FRYL: variants seen among roughly 807,000 people sequenced by gnomAD.
FRYL encodes FRY like transcription coactivator, also known as protein furry homolog-like.
Under a neutral mutation model 351.2 loss-of-function variants are expected in FRYL, and 150 were observed. The ratio of observed to expected loss-of-function variants is 0.43; its 90% CI spans 0.37 to 0.49. The LOEUF (loss-of-function observed/expected upper bound fraction) is 0.49, where lower values mean the gene tolerates loss of function less well. Ranked by LOEUF, FRYL falls within the 20% of genes least tolerant of loss-of-function variation. The pLI, the probability that FRYL is intolerant of heterozygous loss-of-function variation, is 0.00. For synonymous variants in FRYL, 1,153 were observed against 1,257.1 expected (o/e 0.92, Z 1.75); for missense variants, 3,036 against 3,619.3 (o/e 0.84, Z 4.13).
At chr4:48,616,808 C>T (rs1203755155) in intron 7 of FRYL, among the ~76,000 whole-genome samples, 7 of 152,144 alleles carry the variant, frequency 4.6e-5, no homozygotes, top group Non-Finnish European at 1.5e-5. Context: ...TCACAATAAA[C>T]CTGAATCACA....
chr4:48,521,467 C>G lies in FRYL; in HGVS notation c.7522-252G>C, dbSNP rs73814780. ...CAAAAACTATCAAAGTGGAAGAGCT[C>G]TATGTAACTATGTTAACCTTGAGCT... On this transcript the variant is annotated intron_variant, in intron 54 of 63. Coordinates refer to ENST00000358350, the MANE Select transcript of FRYL (RefSeq NM_015030.2). Among the ~76,000 whole-genome samples the G allele has an allele frequency of 2.8e-3, 430 of 152,232 alleles. 1 individual carries two copies. The highest frequency in any genetic ancestry group is 9.9e-3 in the African/African-American group (411 of 41,528).
chr4:48,706,294 G>T (rs1767337458), intron 2 of FRYL, among the ~76,000 whole-genome samples: 1 of 152,120 alleles, frequency 6.6e-6, no homozygotes, highest in African/African-American at 2.4e-5. Context: ...AAATACAATG[G>T]AATATTATTC....
chr4:48,752,937 G>A (rs1773397557), intron 1 of FRYL, among the ~76,000 whole-genome samples: 1 of 152,252 alleles, frequency 6.6e-6, no homozygotes, highest in African/African-American at 2.4e-5. Context: ...ATCAGGTGGC[G>A]CCTATCGTTG....
intron 10 of FRYL, 76 bp from the exon 11 acceptor site, chr4:48,605,909 G>C: frequency 1.1e-6 from 1 of 908,358 alleles, no homozygotes. Context: ...ACATCATTTT[G>C]TGAACACTCT....
At chr4:48,638,626 T>A (rs1754723530) in intron 3 of FRYL, 4 of 152,170 alleles carry the variant, frequency 2.6e-5, no homozygotes, top group Admixed American at 2.6e-4. Context: ...CAAAGGATTA[T>A]AAATCATTCT....
rs28558226 is a variant in FRYL at position 48,575,104 on chromosome 4, C to G, written c.2846+13G>C. 1 of 1,612,070 alleles carries G rather than the reference C, an allele frequency of 6.2e-7. No individual in the cohort carries two copies. Among genetic ancestry groups the G allele is most frequent in the Non-Finnish European group, 8.5e-7 (1 of 1,178,704 alleles). The stretch of plus-strand genomic sequence containing the variant: ...TCTTTTAGGACATAGAAAAAATGTA[C>G]GAACATAGTTACCTAAAAGCTCCTG... On this transcript the variant is annotated intron_variant, in intron 25 of 63. Transcript: ENST00000358350.
chr4:48,612,525 T>TGTGA (rs987228321), intron 7 of FRYL, among the ~76,000 whole-genome samples: 19 of 151,790 alleles, frequency 1.3e-4, no homozygotes, highest in African/African-American at 2.7e-4. Flanking sequence ...TGTGTGTGTG[T>TGTGA]GACACCACAT....
intron 6 of FRYL, 56 bp downstream of exon 6, chr4:48,620,583 C>T: frequency 6.6e-7 from 1 of 1,511,048 alleles, no homozygotes; most frequent in Non-Finnish European, 9.0e-7. Flanking sequence ...ATAATATCAC[C>T]CCTTCATTGG....
intron 23 of FRYL, among the ~76,000 whole-genome samples, chr4:48,578,253 G>C (rs1314159923): frequency 6.6e-6 from 1 of 152,106 alleles, no homozygotes; most frequent in African/African-American, 2.4e-5. Context: ...CAGGTTTGAA[G>C]AGCCTTTAAT....
At chr4:48,712,729 T>C (rs1466936651) in intron 1 of FRYL, among the ~76,000 whole-genome samples, 1 of 152,194 alleles carries the variant, frequency 6.6e-6, no homozygotes, top group East Asian at 1.9e-4. Context: ...ACCACAAAGA[T>C]ACTCCTCGAG....
chr4:48,505,749 T>C (rs1720770341), intron 59 of FRYL, 134 bp from the exon 60 acceptor site: 1 of 575,082 alleles, frequency 1.7e-6, no homozygotes, highest in Admixed American at 3.3e-5. Flanking sequence ...TTTATCTCCA[T>C]TCAAGCCAAA....
chr4:48,585,159 T>C (rs894906785), intron 19 of FRYL, among the ~76,000 whole-genome samples: 2 of 152,320 alleles, frequency 1.3e-5, no homozygotes, highest in African/African-American at 4.8e-5. Flanking sequence ...ACAGTAGTTG[T>C]TTACTGCTCT....
rs142817206 is a variant in FRYL at position 48,518,700 on chromosome 4, T to C, written c.7689+2348A>G. Among the ~76,000 whole-genome samples, 701 of 152,310 alleles carry C rather than the reference T, an allele frequency of 4.6e-3. 19 individuals are homozygous for C. Among genetic ancestry groups the C allele is most frequent in the Admixed American group, 0.029 (441 of 15,296 alleles). On this transcript the variant is annotated intron_variant, in intron 55 of 63. Transcript: ENST00000358350. ...GGGCCTTTTAAACTGCTGCTTCTTCTGCCTGGAACCTTCTCCCTCCAAATC... is the reference window on the plus strand; with the variant it reads ...GGGCCTTTTAAACTGCTGCTTCTTCCGCCTGGAACCTTCTCCCTCCAAATC...
intron 2 of FRYL, among the ~76,000 whole-genome samples, chr4:48,695,438 A>G (rs1578747289): frequency 6.6e-6 from 1 of 152,186 alleles, no homozygotes; most frequent in African/African-American, 2.4e-5. Context: ...GCTACTATGT[A>G]TCATTTGAAA....
At chr4:48,708,792 C>T (rs1767667107) in intron 2 of FRYL, among the ~76,000 whole-genome samples, 1 of 152,070 alleles carries the variant, frequency 6.6e-6, no homozygotes, top group African/African-American at 2.4e-5. Context: ...TGGGGTCTTG[C>T]TGTGTTGCCC....
intron 53 of FRYL, among the ~76,000 whole-genome samples, chr4:48,526,980 T>C (rs1018988566): frequency 2.0e-5 from 3 of 152,122 alleles, no homozygotes; most frequent in Non-Finnish European, 4.4e-5. Context: ...CTTTGTGATA[T>C]GTCAATTTAG....
At chr4:48,513,772 TG>T (rs2148785099) in intron 56 of FRYL, among the ~76,000 whole-genome samples, 1 of 152,304 alleles carries the variant, frequency 6.6e-6, no homozygotes, top group South Asian at 2.1e-4. Flanking sequence ...GTCACTGTGG[TG>T]ATGATTTTAA....
chr4:48,623,047 T>C lies in FRYL; in HGVS notation c.174+79A>G, dbSNP rs1750984695. 2.3e-5 allele frequency: 18 copies of C among 797,860 alleles called. No homozygotes were observed. In the East Asian group the frequency reaches 3.6e-4, roughly 16 times the overall value. The allele number at this position is 797,860 out of a possible 1,614,324, so 49.4% of individuals were successfully genotyped here. On this transcript the variant is annotated intron_variant, in intron 5 of 63. Transcript: ENST00000358350. Reference sequence around the variant, plus strand: ...ATATAGAAATTAAGGAATTCCTTAATATTGAATACATTTGGGCCAGACTAT... The same window carrying C: ...ATATAGAAATTAAGGAATTCCTTAACATTGAATACATTTGGGCCAGACTAT...
intron 2 of FRYL, among the ~76,000 whole-genome samples, chr4:48,685,220 T>C (rs1223926659): frequency 6.6e-6 from 1 of 152,240 alleles, no homozygotes; most frequent in Non-Finnish European, 1.5e-5. Flanking sequence ...ACCATTATAA[T>C]GCTTACATTA....
Sources: allele counts gnomAD v4.1 joint callset (sites outside exome capture counted in the v4.1 genomes callset), GRCh38; gene constraint gnomAD v4.1.1; transcripts MANE v1.5; gene names NCBI Gene and HGNC (gene_info 2026-07-23, HGNC 2026-07-21).